DPYSL2: variants seen among roughly 807,000 people sequenced by gnomAD.
The protein encoded by DPYSL2 is dihydropyrimidinase-related protein 2.
A neutral mutation model predicts 69.9 loss-of-function variants in DPYSL2; 13 were observed. The ratio of observed to expected loss-of-function variants is 0.19; its 90% confidence interval spans 0.12 to 0.30. The LOEUF is 0.30. Ranked by LOEUF, DPYSL2 falls within the 10% of genes least tolerant of loss-of-function variation. DPYSL2 has a pLI of 1.00. For missense variants in DPYSL2, 587 were observed against 918.9 expected (o/e 0.64, Z 4.67); for synonymous variants, 326 against 359.1 (o/e 0.91, Z 1.04).
At chr8:26,524,472 C>T (rs1209154180) in intron 1 of DPYSL2, among the ~76,000 whole-genome samples, 1 of 151,986 alleles carries the variant, frequency 6.6e-6, no homozygotes, top group Admixed American at 6.6e-5. Flanking sequence ...TATTTTGTTG[C>T]ATTATATTTT....
chr8:26,534,633 T>A (rs552151678), intron 1 of DPYSL2, among the ~76,000 whole-genome samples: 5 of 151,652 alleles, frequency 3.3e-5, no homozygotes, highest in African/African-American at 1.2e-4. Context: ...TTATTTTATT[T>A]ATTATTATTA....
rs1808295055 is a variant in DPYSL2 at position 26,516,637 on chromosome 8, G to A, written c.354+1958G>A. 2.0e-5 allele frequency among the ~76,000 whole-genome samples: 3 copies of A among 152,184 alleles called. No homozygotes were observed. The highest frequency in any genetic ancestry group is 7.2e-5 in the African/African-American group (3 of 41,444). ...TGTAAAACTAAGGCACGCAGAGGGG[G>A]AGATTTGAAGAGAAAATACTCAAAC... On this transcript the variant is annotated intron_variant, in intron 1 of 13. Transcript: ENST00000521913. The surrounding 1 kb of genome is among the most constrained non-coding windows in gnomAD (Gnocchi z 4.8).
chr8:26,555,604 T>C (rs1410740630), intron 1 of DPYSL2, among the ~76,000 whole-genome samples: 1 of 151,996 alleles, frequency 6.6e-6, no homozygotes, highest in Non-Finnish European at 1.5e-5. Flanking sequence ...GATCTAAATA[T>C]ATGGAAAGGC....
Position 26,627,787 on chromosome 8 carries a change from G to A in DPYSL2, c.937-85G>A, listed in dbSNP as rs1050864665. 4.3e-5 allele frequency: 59 copies of A among 1,381,650 alleles called. No homozygotes were observed. The Admixed American group carries it at 5.8e-4, about 14-fold the overall frequency. 85.6% of individuals were successfully genotyped at this position (1,381,650 alleles called of 1,614,324 possible). On this transcript the variant is annotated intron_variant, in intron 6 of 13. Transcript: ENST00000521913. The surrounding 1 kb of genome is among the most constrained non-coding windows in gnomAD (Gnocchi z 6.9). Reference sequence around the variant, plus strand: ...GCAGTGGTAATTTTCCATCTTGCCCGGATAACTGCATGCCCGGGCCTCTGC... The same window carrying A: ...GCAGTGGTAATTTTCCATCTTGCCCAGATAACTGCATGCCCGGGCCTCTGC...
intron 1 of DPYSL2, among the ~76,000 whole-genome samples, chr8:26,539,811 G>T (rs1050630420): frequency 1.3e-5 from 2 of 152,114 alleles, no homozygotes; most frequent in Non-Finnish European, 2.9e-5. Flanking sequence ...GAGTAGGATC[G>T]CTACACTCCA....
chr8:26,644,708 C>A lies in DPYSL2; in HGVS notation c.1425+617C>A, dbSNP rs2129974288. On this transcript the variant is annotated intron_variant, in intron 10 of 13. Coordinates refer to ENST00000521913, the MANE Select transcript of DPYSL2 (RefSeq NM_001197293.3). The surrounding 1 kb of genome is among the most constrained non-coding windows in gnomAD (Gnocchi z 4.5). ...GTCAGTCAGGAACAAACTTCCTTAGCAACCAGGTGACTTACTCAGTTAATC... is the reference window on the plus strand; with the variant it reads ...GTCAGTCAGGAACAAACTTCCTTAGAAACCAGGTGACTTACTCAGTTAATC... 6.6e-6 allele frequency among the ~76,000 whole-genome samples: 1 copy of A among 152,236 alleles called. No homozygotes were observed. The highest frequency in any genetic ancestry group is 6.5e-5 in the Admixed American group (1 of 15,290).
chr8:26,574,860 C>T (rs73559053), intron 1 of DPYSL2, among the ~76,000 whole-genome samples: 1,735 of 152,288 alleles, frequency 0.011, 31 homozygotes, highest in African/African-American at 0.039. Flanking sequence ...CTTTCTGCCT[C>T]AGCCCCAACC....
Position 26,634,876 on chromosome 8 carries a change from G to T in DPYSL2, c.1102G>T (p.Val368Phe). The T allele has an allele frequency of 6.2e-7, 1 of 1,614,230 alleles. No homozygotes were observed. The highest frequency in any genetic ancestry group is 8.5e-7 in the Non-Finnish European group (1 of 1,180,042). The change falls in exon 8 of 14, where the codon GTC becomes TTC. Residue 368 changes from valine (V) to phenylalanine (F), a missense_variant. Coordinates refer to ENST00000521913, the MANE Select transcript of DPYSL2 (RefSeq NM_001197293.3). ...GGTGATGAGCAAAAGCTCTGCTGAGGTCATCGCCCAGGCACGGAAGAAGGG... is the reference window on the plus strand; with the variant it reads ...GGTGATGAGCAAAAGCTCTGCTGAGTTCATCGCCCAGGCACGGAAGAAGGG... ...TKVMSKSSAE[V>F]IAQARKKGTV...
chr8:26,637,000 C>T (rs1389576275), intron 8 of DPYSL2, among the ~76,000 whole-genome samples: 1 of 152,152 alleles, frequency 6.6e-6, no homozygotes, highest in African/African-American at 2.4e-5. Flanking sequence ...CCTCGGTCTC[C>T]CAAAATACTG....
intron 1 of DPYSL2, among the ~76,000 whole-genome samples, chr8:26,545,834 A>G (rs1206368000): frequency 6.6e-6 from 1 of 151,380 alleles, no homozygotes; most frequent in Non-Finnish European, 1.5e-5. Context: ...GACTATATTT[A>G]TGTGTGTTTC....
At chr8:26,548,685 C>T (rs757194102) in intron 1 of DPYSL2, among the ~76,000 whole-genome samples, 11 of 151,630 alleles carry the variant, frequency 7.3e-5, no homozygotes, top group Non-Finnish European at 1.6e-4. Flanking sequence ...GAATCCAAGA[C>T]CAGCCTAAGC....
At chr8:26,519,907 C>G (rs1175064053) in intron 1 of DPYSL2, among the ~76,000 whole-genome samples, 2 of 152,136 alleles carry the variant, frequency 1.3e-5, no homozygotes, top group East Asian at 3.8e-4. Context: ...TACTCTTATT[C>G]TTATTTTGCA....
chr8:26,514,734 C>T lies in DPYSL2; in HGVS notation c.354+55C>T, dbSNP rs1441015225. 7.5e-7 allele frequency: 1 copy of T among 1,329,592 alleles called. No homozygotes were observed. The highest frequency in any genetic ancestry group is 9.7e-7 in the Non-Finnish European group (1 of 1,029,524). 82.4% of individuals were successfully genotyped at this position (1,329,592 alleles called of 1,614,324 possible). On this transcript the variant is annotated intron_variant, in intron 1 of 13. Transcript: ENST00000521913. The surrounding 1 kb of genome is among the most constrained non-coding windows in gnomAD (Gnocchi z 8.4). ...AGGACGGGGCGCGGGGATCGCCCCT[C>T]CCTCGCCCCTGAGCCCGGCGCGCCC... is the stretch of plus-strand genomic sequence containing the variant.
rs1429012438 is a variant in DPYSL2, at chr8:26,656,812, G to C, written c.*1106G>C. 2.0e-5 allele frequency: 3 copies of C among 152,830 alleles called. No individual in the cohort carries two copies. The East Asian group carries it at 5.8e-4, about 30-fold the overall frequency. The allele number at this position is 152,830 out of a possible 1,614,324, so 9.5% of individuals were successfully genotyped here. On this transcript the variant is annotated 3_prime_UTR_variant, in exon 14 of 14. Coordinates refer to ENST00000521913, the MANE Select transcript of DPYSL2 (RefSeq NM_001197293.3). ...CCACAGTATCACACGTGGAACCGCA[G>C]ACAGGGCCCAGAAGCTTTAGAGGTA...
Position 26,644,726 on chromosome 8 carries a change from A to G in DPYSL2, c.1425+635A>G, listed in dbSNP as rs1269680678. Among the ~76,000 whole-genome samples the G allele has an allele frequency of 6.6e-6, 1 of 152,124 alleles. No individual in the cohort carries two copies. Among genetic ancestry groups the G allele is most frequent in the Non-Finnish European group, 1.5e-5 (1 of 68,016 alleles). On this transcript the variant is annotated intron_variant, in intron 10 of 13. Transcript: ENST00000521913. The surrounding 1 kb of genome is among the most constrained non-coding windows in gnomAD (Gnocchi z 4.5). ...TCCTTAGCAACCAGGTGACTTACTC[A>G]GTTAATCCTCGTCTACTCTTGGAAA... is the stretch of plus-strand genomic sequence containing the variant.
At chr8:26,601,740 G>A (rs1451082135) in intron 3 of DPYSL2, among the ~76,000 whole-genome samples, 5 of 152,210 alleles carry the variant, frequency 3.3e-5, no homozygotes, top group African/African-American at 1.2e-4. Flanking sequence ...GAGACCTTGG[G>A]TTGAAACAGG....
rs1019012165 is a variant in DPYSL2 at position 26,580,840 on chromosome 8, G to A, written c.355-1129G>A. Among the ~76,000 whole-genome samples the A allele has an allele frequency of 6.6e-6, 1 of 152,168 alleles. No individual in the cohort carries two copies. Among genetic ancestry groups the A allele is most frequent in the African/African-American group, 2.4e-5 (1 of 41,422 alleles). On this transcript the variant is annotated intron_variant, in intron 1 of 13. Transcript: ENST00000521913. The surrounding 1 kb of genome is among the most constrained non-coding windows in gnomAD (Gnocchi z 4.1). ...GTTTAAGCCCATTCTGTATAATACA[G>A]GTGCATATTTACTGAACACTCGATG...
intron 1 of DPYSL2, among the ~76,000 whole-genome samples, chr8:26,570,210 T>C (rs1237479515): frequency 1.4e-5 from 2 of 147,436 alleles, no homozygotes; most frequent in African/African-American, 5.0e-5. Context: ...TTTAAACCTT[T>C]ATGTTCGTCT....
chr8:26,581,430 G>A (rs930811037), intron 1 of DPYSL2, among the ~76,000 whole-genome samples: 25 of 151,614 alleles, frequency 1.6e-4, no homozygotes, highest in Middle Eastern at 3.4e-3. Flanking sequence ...CTGGGGTGCA[G>A]TGACGTGATC....
Sources: allele counts gnomAD v4.1 joint callset (sites outside exome capture counted in the v4.1 genomes callset), GRCh38; gene constraint gnomAD v4.1.1; non-coding constraint Gnocchi (gnomAD v3.1); transcripts MANE v1.5; gene names NCBI Gene and HGNC (gene_info 2026-07-23, HGNC 2026-07-21).